The following RNU4-1 variants were observed in gnomAD, a reference collection of about 807,000 sequenced individuals.
RNU4-1 encodes the protein RNA, U4A small nuclear.
At chr12:120,293,225 A>C (rs151185189) in exon 1 of RNU4-1, 13 of 152,332 alleles carry the variant, frequency 8.5e-5, no homozygotes, top group South Asian at 2.1e-4. Context: ...CGATACTGCC[A>C]CTGCGCAAAG....
chr12:120,293,201 G>T (rs540082379), exon 1 of RNU4-1: 36 of 152,258 alleles, frequency 2.4e-4, no homozygotes, highest in African/African-American at 7.2e-4. Flanking sequence ...GCCTCGGATA[G>T]ACCTCATTGG....
chr12:120,293,136 A>T (rs753434797), exon 1 of RNU4-1: 2 of 152,186 alleles, frequency 1.3e-5, no homozygotes, highest in African/African-American at 2.4e-5. Flanking sequence ...TGCCGACTAT[A>T]TTGCAAGTCG....
exon 1 of RNU4-1, chr12:120,293,202 A>C (rs889561956): frequency 1.3e-5 from 2 of 152,198 alleles, no homozygotes; most frequent in East Asian, 1.9e-4. Flanking sequence ...CCTCGGATAG[A>C]CCTCATTGGC....
At chr12:120,293,167 A>G (rs1872132505) in exon 1 of RNU4-1, 1 of 152,202 alleles carries the variant, frequency 6.6e-6, no homozygotes, top group Non-Finnish European at 1.5e-5. Context: ...GTATTGGGAA[A>G]AGTTTTCAAT....
chr12:120,293,127 G>C (rs374059353), exon 1 of RNU4-1: 1 of 152,166 alleles, frequency 6.6e-6, no homozygotes, highest in African/African-American at 2.4e-5. Context: ...AATTGCCAGT[G>C]CCGACTATAT....
exon 1 of RNU4-1, chr12:120,293,100 C>A (rs114484676): frequency 1.3e-5 from 2 of 152,112 alleles, no homozygotes; most frequent in African/African-American, 2.4e-5. Context: ...AATTCAGTCT[C>A]CGTAGAGACT....
exon 1 of RNU4-1, chr12:120,293,181 C>G (rs1019847293): frequency 6.6e-6 from 1 of 152,130 alleles, no homozygotes; most frequent in Non-Finnish European, 1.5e-5. Context: ...TTTCAATTAG[C>G]AATAATCGCG....
exon 1 of RNU4-1, chr12:120,293,188 C>G (rs533208003): frequency 1.3e-5 from 2 of 152,152 alleles, no homozygotes; most frequent in Admixed American, 6.6e-5. Context: ...TAGCAATAAT[C>G]GCGCCTCGGA....
exon 1 of RNU4-1, chr12:120,293,113 C>T (rs556843893): frequency 2.0e-5 from 3 of 152,114 alleles, no homozygotes; most frequent in African/African-American, 4.8e-5. Flanking sequence ...TAGAGACTGT[C>T]AAAAATTGCC....
exon 1 of RNU4-1, chr12:120,293,156 G>C (rs554373571): frequency 2.0e-5 from 3 of 152,264 alleles, no homozygotes; most frequent in African/African-American, 4.8e-5. Context: ...GTCACGGCGG[G>C]GTATTGGGAA....
exon 1 of RNU4-1, chr12:120,293,149 A>G (rs868323850): frequency 6.6e-6 from 1 of 152,108 alleles, no homozygotes; most frequent in Non-Finnish European, 1.5e-5. Context: ...GCAAGTCGTC[A>G]CGGCGGGGTA....
At chr12:120,293,149 A>T (rs868323850) in exon 1 of RNU4-1, 1 of 152,108 alleles carries the variant, frequency 6.6e-6, no homozygotes, top group African/African-American at 2.4e-5. Flanking sequence ...GCAAGTCGTC[A>T]CGGCGGGGTA....
At chr12:120,293,232 AAAGC>A (rs1872147110) in exon 1 of RNU4-1, 1 of 152,196 alleles carries the variant, frequency 6.6e-6, no homozygotes, top group Non-Finnish European at 1.5e-5. Flanking sequence ...GCCACTGCGC[AAAGC>A]TAATTTGTTA....
At chr12:120,293,212 C>G (rs564465092) in exon 1 of RNU4-1, 4 of 152,156 alleles carry the variant, frequency 2.6e-5, no homozygotes, top group African/African-American at 9.7e-5. Context: ...ACCTCATTGG[C>G]TACGATACTG....
chr12:120,293,134 A>G (rs916761085), exon 1 of RNU4-1: 10 of 152,204 alleles, frequency 6.6e-5, no homozygotes, highest in South Asian at 2.1e-4. Context: ...AGTGCCGACT[A>G]TATTGCAAGT....
chr12:120,293,139 G>A (rs568071253), exon 1 of RNU4-1: 13 of 152,232 alleles, frequency 8.5e-5, no homozygotes, highest in Admixed American at 1.3e-4. Flanking sequence ...CGACTATATT[G>A]CAAGTCGTCA....
exon 1 of RNU4-1, chr12:120,293,118 A>C (rs570513244): frequency 6.6e-6 from 1 of 152,104 alleles, no homozygotes; most frequent in Non-Finnish European, 1.5e-5. Context: ...ACTGTCAAAA[A>C]TTGCCAGTGC....
At chr12:120,293,120 T>G (rs906870194) in exon 1 of RNU4-1, 4 of 152,104 alleles carry the variant, frequency 2.6e-5, no homozygotes, top group Admixed American at 6.6e-5. Flanking sequence ...TGTCAAAAAT[T>G]GCCAGTGCCG....
exon 1 of RNU4-1, chr12:120,293,193 C>T (rs758756054): frequency 5.3e-5 from 8 of 152,190 alleles, no homozygotes; most frequent in South Asian, 4.1e-4. Flanking sequence ...ATAATCGCGC[C>T]TCGGATAGAC....
Sources: allele counts gnomAD v4.1 joint callset, GRCh38; gene constraint gnomAD v4.1.1; transcripts MANE v1.5; gene names NCBI Gene and HGNC (gene_info 2026-07-23, HGNC 2026-07-21).